Variants in LSAMP observed in about 807,000 individuals in gnomAD.
LSAMP encodes limbic system-associated membrane protein.
Under a neutral mutation model 38.6 loss-of-function variants are expected in LSAMP, and 7 were observed. That is an observed-to-expected ratio of 0.18 (90% confidence interval 0.10 to 0.34). The LOEUF is 0.34. Ranked by LOEUF, LSAMP falls within the 10% of genes least tolerant of loss-of-function variation. The pLI is 1.00. For synonymous variants in LSAMP, 154 were observed against 166.8 expected, an observed-to-expected ratio of 0.92 and a Z score of 0.59; for missense variants, 313 against 420.0, an observed-to-expected ratio of 0.75 and a Z score of 2.23.
rs1707603121 is a variant in LSAMP, at chr3:116,071,384, C to T, written c.388+14940G>A. Among the ~76,000 whole-genome samples the T allele has an allele frequency of 2.0e-5, 3 of 150,338 alleles. No individual in the cohort carries two copies. The South Asian group carries it at 6.3e-4, about 31-fold the overall frequency. On this transcript the variant is annotated intron_variant, in intron 2 of 6. Coordinates refer to ENST00000490035, the MANE Select transcript of LSAMP (RefSeq NM_002338.5). ...CTTGAGCTGTTCTTCAGGTACAACA[C>T]ACAAACACACACAAGTTTATAAACT...
chr3:116,060,727 T>C (rs1159747352), intron 2 of LSAMP, among the ~76,000 whole-genome samples: 2 of 152,060 alleles, frequency 1.3e-5, no homozygotes, highest in Non-Finnish European at 2.9e-5. Flanking sequence ...GCCATCGTAC[T>C]CCAGCCTGGG....
intron 1 of LSAMP, among the ~76,000 whole-genome samples, chr3:116,198,642 G>A (rs563022630): frequency 1.8e-4 from 27 of 152,114 alleles, no homozygotes; most frequent in African/African-American, 6.3e-4. Flanking sequence ...TTCGTAGCGG[G>A]CAGCTGTAGT....
chr3:116,081,307 A>T (rs956632803), intron 2 of LSAMP, among the ~76,000 whole-genome samples: 1 of 151,946 alleles, frequency 6.6e-6, no homozygotes, highest in Non-Finnish European at 1.5e-5. Flanking sequence ...ACTAAAAATT[A>T]GGCAGGCATG....
intron 3 of LSAMP, among the ~76,000 whole-genome samples, chr3:115,989,478 C>T (rs988059848): frequency 6.6e-6 from 1 of 151,990 alleles, no homozygotes; most frequent in African/African-American, 2.4e-5. Context: ...ACAATAAAGG[C>T]TTCTTTTTTT....
At chr3:116,204,153 G>C (rs2046030810) in intron 1 of LSAMP, among the ~76,000 whole-genome samples, 1 of 152,072 alleles carries the variant, frequency 6.6e-6, no homozygotes, top group Non-Finnish European at 1.5e-5. Context: ...GATAGCCAGT[G>C]ATGATGAGCA....
intron 1 of LSAMP, among the ~76,000 whole-genome samples, chr3:116,212,760 TATA>T (rs1396397153): frequency 3.9e-5 from 6 of 152,118 alleles, no homozygotes; most frequent in Admixed American, 3.3e-4. Flanking sequence ...TGGGTGAGAG[TATA>T]ATAACATAGG....
intron 2 of LSAMP, among the ~76,000 whole-genome samples, chr3:116,055,970 T>C (rs1449527391): frequency 6.6e-6 from 1 of 152,108 alleles, no homozygotes; most frequent in Non-Finnish European, 1.5e-5. Context: ...TGCTTTTTTT[T>C]TCCCCCAGCT....
intron 1 of LSAMP, among the ~76,000 whole-genome samples, chr3:116,278,287 C>A (rs2047080717): frequency 6.6e-6 from 1 of 152,096 alleles, no homozygotes; most frequent in Non-Finnish European, 1.5e-5. Flanking sequence ...AAACATTATT[C>A]CATTCAATAA....
At chr3:116,415,956 C>T (rs1226109497) in intron 1 of LSAMP, among the ~76,000 whole-genome samples, 1 of 152,110 alleles carries the variant, frequency 6.6e-6, no homozygotes, top group African/African-American at 2.4e-5. Context: ...AATGTTTATT[C>T]CAACTCAAAC....
intron 1 of LSAMP, among the ~76,000 whole-genome samples, chr3:116,353,895 T>C (rs1448291350): frequency 6.6e-6 from 1 of 152,118 alleles, no homozygotes; most frequent in Non-Finnish European, 1.5e-5. Flanking sequence ...ATAAAGTTCA[T>C]AAAAATCATT....
chr3:116,276,931 C>T (rs2047063203), intron 1 of LSAMP, among the ~76,000 whole-genome samples: 1 of 152,112 alleles, frequency 6.6e-6, no homozygotes, highest in South Asian at 2.1e-4. Flanking sequence ...TATTGCAGTG[C>T]ACTCACGTTT....
chr3:116,178,454 C>T (rs917783887), intron 1 of LSAMP, among the ~76,000 whole-genome samples: 1 of 152,146 alleles, frequency 6.6e-6, no homozygotes, highest in Non-Finnish European at 1.5e-5. Flanking sequence ...AGGCGTGAGC[C>T]ACCACGCCCG....
chr3:116,119,298 A>G (rs1708821682), intron 1 of LSAMP, among the ~76,000 whole-genome samples: 1 of 151,950 alleles, frequency 6.6e-6, no homozygotes, highest in Non-Finnish European at 1.5e-5. Context: ...AGATTCTGTT[A>G]GATAGCCATA....
chr3:115,842,017 T>C, intron 5 of LSAMP, 24 bp from the exon 6 acceptor site: 1 of 1,596,582 alleles, frequency 6.3e-7, no homozygotes, highest in Non-Finnish European at 8.5e-7. Flanking sequence ...AACAGAAGAA[T>C]AGAAAGGATC....
chr3:116,394,374 T>C (rs1331399872), intron 1 of LSAMP, among the ~76,000 whole-genome samples: 2 of 152,230 alleles, frequency 1.3e-5, no homozygotes, highest in African/African-American at 2.4e-5. Context: ...AAGCCATTAA[T>C]AGACCTTAAT....
At chr3:115,951,636 AAGC>A (rs2107578442) in intron 3 of LSAMP, among the ~76,000 whole-genome samples, 1 of 152,218 alleles carries the variant, frequency 6.6e-6, no homozygotes, top group South Asian at 2.1e-4. Flanking sequence ...GCCAGAATAA[AAGC>A]AGGCAGAGGA....
chr3:116,141,660 T>C (rs1189290989), intron 1 of LSAMP, among the ~76,000 whole-genome samples: 2 of 151,840 alleles, frequency 1.3e-5, no homozygotes, highest in African/African-American at 4.8e-5. Flanking sequence ...CAGCCTAGTG[T>C]ACATGCCACA....
At chr3:116,275,975 A>T (rs1384335500) in intron 1 of LSAMP, among the ~76,000 whole-genome samples, 1 of 152,214 alleles carries the variant, frequency 6.6e-6, no homozygotes, top group Non-Finnish European at 1.5e-5. Flanking sequence ...TTTTTGAACT[A>T]TGTATAATCA....
intron 3 of LSAMP, among the ~76,000 whole-genome samples, chr3:115,935,703 A>G (rs199765154): frequency 3.3e-5 from 5 of 152,146 alleles, no homozygotes; most frequent in Non-Finnish European, 5.9e-5. Context: ...GAGTGGCAGG[A>G]TGGGGGTATG....
Sources: gnomAD v4.1 joint callset for allele counts (sites outside exome capture counted in the v4.1 genomes callset) on GRCh38, gnomAD v4.1.1 for gene constraint, MANE v1.5 for transcripts, NCBI Gene and HGNC (gene_info 2026-07-23, HGNC 2026-07-21) for gene names.